The following UBN1 variants were observed in gnomAD, a reference collection of about 807,000 sequenced individuals.
UBN1 encodes ubinuclein-1.
UBN1 carries 17 observed loss-of-function variants against 108.5 expected under a neutral mutation model. That is an observed-to-expected ratio of 0.16 (90% CI 0.11 to 0.24). The LOEUF is 0.24. UBN1 is among the 10% of genes least tolerant of loss of function. UBN1 has a pLI of 1.00. For missense variants in UBN1, 1,595 were observed against 1,394.4 expected (o/e 1.14, Z -2.29); for synonymous variants, 726 against 564.2 (o/e 1.29, Z -4.07).
chr16:4,870,818 C>T (rs1350277740), intron 10 of UBN1, 26 bp from the exon 11 acceptor site: 4 of 1,612,696 alleles, frequency 2.5e-6, no homozygotes, highest in Non-Finnish European at 2.5e-6. Flanking sequence ...ACCTTGGGGC[C>T]CCATGTAATT....
At chr16:4,849,242 C>A (rs576533728) in intron 1 of UBN1, among the ~76,000 whole-genome samples, 131 of 152,268 alleles carry the variant, frequency 8.6e-4, no homozygotes, top group African/African-American at 3.0e-3. Flanking sequence ...CCTGAAAGTT[C>A]TAGCCAGTGC....
At position 4,868,919 on chromosome 16, in the gene UBN1, C is replaced by T. The variant is rs184627030; in HGVS notation, c.1181+16C>T. The T allele has an allele frequency of 1.9e-6, 3 of 1,611,996 alleles. No individual in the cohort carries two copies. The highest frequency in any genetic ancestry group is 3.3e-4 in the Middle Eastern group (2 of 6,068). On this transcript the variant is annotated intron_variant, in intron 8 of 17. Transcript: ENST00000262376. The stretch of plus-strand genomic sequence containing the variant: ...TCCTATTAGAGTGAGTATCGTCTGT[C>T]TGTCTGTCTGTCTGTCTGTTTCTGC...
intron 7 of UBN1, among the ~76,000 whole-genome samples, chr16:4,868,253 G>A (rs2087432749): frequency 6.6e-6 from 1 of 152,178 alleles, no homozygotes; most frequent in African/African-American, 2.4e-5. Context: ...AACTAAGACT[G>A]TACTGAAACT....
rs554628050 is a variant in UBN1 at position 4,862,758 on chromosome 16, T to C, written c.1110+1656T>C. ...TTGGGAAAGATGGGGACAGATTTAGTGGCAACAGAATGACATAACCGGAAA... is the reference window on the plus strand; with the variant it reads ...TTGGGAAAGATGGGGACAGATTTAGCGGCAACAGAATGACATAACCGGAAA... On this transcript the variant is annotated intron_variant, in intron 7 of 17. Transcript: ENST00000262376. Among the ~76,000 whole-genome samples the C allele has an allele frequency of 3.9e-5, 6 of 152,372 alleles. No homozygotes were observed. The East Asian group carries it at 7.7e-4, about 20-fold the overall frequency.
At position 4,856,249 on chromosome 16, in the gene UBN1, C is replaced by A. The variant is rs370353507; in HGVS notation, c.250-1741C>A. 1.1e-4 allele frequency among the ~76,000 whole-genome samples: 16 copies of A among 152,272 alleles called. No homozygotes were observed. In the East Asian group the frequency reaches 2.1e-3, roughly 20 times the overall value. On this transcript the variant is annotated intron_variant, in intron 2 of 17. Coordinates refer to ENST00000262376, the MANE Select transcript of UBN1 (RefSeq NM_001079514.3). ...GGACTACAGATGCCCTTCACCATTG[C>A]AGAAAAATGCATGGAGGATACACAG...
chr16:4,874,082 C>G (rs1198601271), intron 14 of UBN1, 129 bp from the exon 15 acceptor site: 1 of 1,183,322 alleles, frequency 8.5e-7, no homozygotes, highest in Non-Finnish European at 1.2e-6. Flanking sequence ...TCTGTCCCAC[C>G]ACTTGTCTTG....
intron 2 of UBN1, among the ~76,000 whole-genome samples, chr16:4,853,553 T>C (rs111652315): frequency 0.017 from 2,508 of 151,860 alleles, 68 homozygotes; most frequent in African/African-American, 0.057. Flanking sequence ...GCCTTTTTTT[T>C]TTTCTTTCTT....
At chr16:4,854,005 T>A (rs184445390) in intron 2 of UBN1, among the ~76,000 whole-genome samples, 1 of 152,294 alleles carries the variant, frequency 6.6e-6, no homozygotes, top group African/African-American at 2.4e-5. Flanking sequence ...CTGCCCTGAT[T>A]TCTAACAGCT....
chr16:4,853,909 C>T (rs891661040), intron 2 of UBN1, among the ~76,000 whole-genome samples: 4 of 152,034 alleles, frequency 2.6e-5, no homozygotes, highest in South Asian at 4.2e-4. Context: ...GTAACCTGCA[C>T]GTAGGTCACA....
At chr16:4,849,356 A>T (rs78589989) in intron 1 of UBN1, among the ~76,000 whole-genome samples, 14,909 of 152,222 alleles carry the variant, frequency 0.098, 953 homozygotes, top group Admixed American at 0.18. Context: ...AACAAAAACA[A>T]AAACCAAAAA....
chr16:4,878,566 G>A (rs759509158), intron 17 of UBN1, among the ~76,000 whole-genome samples: 7 of 152,192 alleles, frequency 4.6e-5, no homozygotes, highest in African/African-American at 1.7e-4. Flanking sequence ...TATAGCACTA[G>A]TGACTCCTCC....
intron 2 of UBN1, among the ~76,000 whole-genome samples, chr16:4,857,781 C>T (rs1224509166): frequency 1.3e-5 from 2 of 152,148 alleles, no homozygotes; most frequent in African/African-American, 4.8e-5. Flanking sequence ...TGATTGTAGG[C>T]ATTCAATCAA....
chr16:4,877,145 G>A lies in UBN1; in HGVS notation c.3265+34G>A. 4 of 1,577,242 alleles carry A rather than the reference G, an allele frequency of 2.5e-6. No homozygotes were observed. The highest frequency in any genetic ancestry group is 3.4e-6 in the Non-Finnish European group (4 of 1,163,990). ...TTCTTTGCTGCCTCTGGTCACTCAG[G>A]AACCTCTAGATTGTGGCCAGGGGTC... On this transcript the variant is annotated intron_variant, in intron 16 of 17. Coordinates refer to ENST00000262376, the MANE Select transcript of UBN1 (RefSeq NM_001079514.3). The surrounding 1 kb of genome is among the most constrained non-coding windows in gnomAD (Gnocchi z 4.3).
intron 2 of UBN1, among the ~76,000 whole-genome samples, chr16:4,857,720 TA>T (rs1567897442): frequency 1.3e-5 from 2 of 152,340 alleles, no homozygotes; most frequent in East Asian, 3.9e-4. Flanking sequence ...CATCTCCTTC[TA>T]AAGGCCCTTT....
rs2086929055 is a variant in UBN1 at position 4,858,949 on chromosome 16, C to A, written c.433-76C>A. 7 of 1,554,458 alleles carry A rather than the reference C, an allele frequency of 4.5e-6. No individual in the cohort carries two copies. In the East Asian group the frequency reaches 1.6e-4, roughly 35 times the overall value. On this transcript the variant is annotated intron_variant, in intron 4 of 17. Coordinates refer to ENST00000262376, the MANE Select transcript of UBN1 (RefSeq NM_001079514.3). Reference sequence around the variant, plus strand: ...AAGTGGCAGAGGAGCACAGTCACATCTCTCTCGAGACCCACTTTGCACCTT... The same window carrying A: ...AAGTGGCAGAGGAGCACAGTCACATATCTCTCGAGACCCACTTTGCACCTT...
intron 2 of UBN1, among the ~76,000 whole-genome samples, 165 bp downstream of exon 2, chr16:4,853,331 G>T (rs976603272): frequency 8.5e-5 from 13 of 152,188 alleles, no homozygotes; most frequent in African/African-American, 3.1e-4. Flanking sequence ...TCTTACCTCT[G>T]TGCGCAAAGG....
rs754068019 is a variant in UBN1 at position 4,870,582 on chromosome 16, A to G, written c.1378A>G (p.Met460Val). Residue 460 changes from methionine to valine, a missense_variant, in exon 10 of 18, where the codon ATG becomes GTG. By Grantham distance (21) the Met-to-Val change is conservative. This residue lies in a region of UBN1 where 1,398 missense variants were observed against 1,194.7 expected (regional missense o/e 1.17). Transcript: ENST00000262376. Reference protein sequence around the residue: ...EAIGRAMPEQMAKYQDECQAH... With the variant: ...EAIGRAMPEQVAKYQDECQAH... ...CATTGGCAGGGCGATGCCAGAGCAG[A>G]TGGCCAAGTACCAGGACGAATGCCA... is the stretch of plus-strand genomic sequence containing the variant. The G allele has an allele frequency of 1.2e-6, 2 of 1,614,256 alleles. No individual in the cohort carries two copies. Among genetic ancestry groups the G allele is most frequent in the East Asian group, 2.2e-5 (1 of 44,880 alleles).
chr16:4,862,347 C>T (rs1458884537), intron 7 of UBN1, among the ~76,000 whole-genome samples: 1 of 152,212 alleles, frequency 6.6e-6, no homozygotes, highest in Non-Finnish European at 1.5e-5. Flanking sequence ...AGCTCTACCT[C>T]ATCTTTGTCA....
chr16:4,847,720 G>T lies in UBN1; in HGVS notation c.-530G>T, dbSNP rs964817193. ...GCTGGTCGGCCCCGTCGCAGCGCCA[G>T]TGAGCTACCCTGACGGAGCTCGGCG... On this transcript the variant is annotated 5_prime_UTR_variant, in exon 1 of 18. Transcript: ENST00000262376. 1 of 170,774 alleles carries T rather than the reference G, an allele frequency of 5.9e-6. No individual in the cohort carries two copies. Among genetic ancestry groups the T allele is most frequent in the African/African-American group, 2.4e-5 (1 of 41,628 alleles). The allele number at this position is 170,774 out of a possible 1,614,324, so 10.6% of individuals were successfully genotyped here. A position where few individuals can be genotyped will look rare whatever the true frequency, so the allele number is the denominator to read the frequency against.
Sources: allele counts gnomAD v4.1 joint callset (sites outside exome capture counted in the v4.1 genomes callset), GRCh38; gene constraint gnomAD v4.1.1; regional missense constraint gnomAD v4.1.1; non-coding constraint Gnocchi (gnomAD v3.1); transcripts MANE v1.5; gene names NCBI Gene and HGNC (gene_info 2026-07-23, HGNC 2026-07-21).